The following CSTF2 variants were observed in gnomAD, a reference collection of about 807,000 sequenced individuals.
The protein encoded by CSTF2 is cleavage stimulation factor subunit 2, also known as CF-1 64 kDa subunit.
Under a neutral mutation model 45.4 loss-of-function variants are expected in CSTF2, and 8 were observed. The observed-to-expected ratio is 0.18, with a 90% CI of 0.10 to 0.32. The LOEUF (loss-of-function observed/expected upper bound fraction) is 0.32, where lower values mean the gene tolerates loss of function less well. Among genes scored for constraint, CSTF2 ranks in the 10% least tolerant of loss-of-function variants. CSTF2 has a pLI of 1.00. For missense variants in CSTF2, 253 were observed against 477.1 expected (o/e 0.53, Z 4.38); for synonymous variants, 155 against 158.9 (o/e 0.98, Z 0.18).
At chrX:100,824,393 G>T in intron 6 of CSTF2, 136 bp downstream of exon 6, 1 of 684,937 alleles carries the variant, frequency 1.5e-6, no homozygotes. Context: ...GCAATTTCCA[G>T]GTTGCAGAGC....
At chrX:100,839,121 C>T (rs923232865) in intron 13 of CSTF2, among the ~76,000 whole-genome samples, 4 of 109,023 alleles carry the variant, frequency 3.7e-5, no homozygotes, top group South Asian at 8.1e-4. Context: ...TGGTGAGATG[C>T]GCCTATAGTT....
intron 11 of CSTF2, among the ~76,000 whole-genome samples, chrX:100,834,051 A>G (rs2084992797): frequency 8.9e-6 from 1 of 111,925 alleles, no homozygotes; most frequent in African/African-American, 3.3e-5. Flanking sequence ...TCACCTTAAA[A>G]GGTGTGGAAC....
intron 8 of CSTF2, among the ~76,000 whole-genome samples, chrX:100,828,386 G>C (rs150355616): frequency 9.0e-6 from 1 of 111,681 alleles, no homozygotes; most frequent in Non-Finnish European, 1.9e-5. Context: ...TTTCCACCTG[G>C]TGATTCAGAG....
Position 100,840,104 on chromosome X carries a change from T to G in CSTF2, c.*4-610T>G, listed in dbSNP as rs977381758. ...GACTGCAAACTCAGTTTTCACCATT[T>G]TAAAAAAACTATCATGATTTGTGTA... is the stretch of plus-strand genomic sequence containing the variant. On this transcript the variant is annotated intron_variant, in intron 13 of 13. Transcript: ENST00000372972. Among the ~76,000 whole-genome samples, 6 of 111,956 alleles carry G rather than the reference T, an allele frequency of 5.4e-5. No individual in the cohort carries two copies. The East Asian group carries it at 1.7e-3, about 31-fold the overall frequency.
chrX:100,839,945 A>G (rs73250631), intron 13 of CSTF2, among the ~76,000 whole-genome samples: 33 of 111,369 alleles, frequency 3.0e-4, no homozygotes, highest in African/African-American at 6.5e-4. Context: ...GTTTTTGTCT[A>G]TTTTTTTACC....
intron 8 of CSTF2, 22 bp downstream of exon 8, chrX:100,828,124 A>C: frequency 3.5e-6 from 4 of 1,155,551 alleles, no homozygotes; most frequent in Non-Finnish European, 4.7e-6. Flanking sequence ...TTAATGTCTG[A>C]CTAATGTTAA....
intron 3 of CSTF2, 110 bp downstream of exon 3, chrX:100,822,530 T>C: frequency 1.3e-6 from 1 of 793,233 alleles, no homozygotes; most frequent in East Asian, 3.3e-5. Context: ...GCCACGCAGC[T>C]TGTTTATTAC....
At chrX:100,830,912 G>C (rs2084971746) in intron 8 of CSTF2, 1 of 1,038,783 alleles carries the variant, frequency 9.6e-7, no homozygotes. Context: ...TGGTGTTCAG[G>C]GTGGGACGTT....
Position 100,822,311 on chromosome X carries a change from C to T in CSTF2, c.198C>T (p.Asp66=). The T allele has an allele frequency of 8.3e-7, 1 of 1,210,180 alleles. No homozygotes were observed. The highest frequency in any genetic ancestry group is 1.1e-6 in the Non-Finnish European group (1 of 894,453). Residue 66 remains aspartate, a synonymous_variant, in exon 3 of 14, where the codon GAC becomes GAT. Coordinates refer to ENST00000372972, the MANE Select transcript of CSTF2 (RefSeq NM_001325.3). ...GTTATGGCTTCTGTGAATACCAAGA[C>T]CAAGAGACAGCACTTAGTGCCATGC... is the stretch of plus-strand genomic sequence containing the variant. The part of the protein sequence containing the change: ...PKGYGFCEYQ[D]QETALSAMRN...
At chrX:100,839,150 G>A (rs186557162) in intron 13 of CSTF2, among the ~76,000 whole-genome samples, 1 of 108,204 alleles carries the variant, frequency 9.2e-6, no homozygotes, top group African/African-American at 3.4e-5. Context: ...TTGTGAGGCC[G>A]AGGTGGGAGG....
chrX:100,826,733 G>A lies in CSTF2; in HGVS notation c.802G>A (p.Gly268Ser). 1 of 1,210,292 alleles carries A rather than the reference G, an allele frequency of 8.3e-7. No homozygotes were observed. Among genetic ancestry groups the A allele is most frequent in the Non-Finnish European group, 1.1e-6 (1 of 894,740 alleles). ...GQMPAAVTGP[G>S]PGSLAPGGGM... ...AATGCCAGCTGCTGTCACAGGACCT[G>A]GCCCTGGTTCCTTAGCTCCTGGAGG... Residue 268 changes from glycine to serine, a missense_variant, in exon 7 of 14, where the codon GGC (glycine) becomes AGC (serine). This residue lies in a region of CSTF2 where 200 missense variants were observed against 294.0 expected (regional missense o/e 0.68). Coordinates refer to ENST00000372972, the MANE Select transcript of CSTF2 (RefSeq NM_001325.3).
Position 100,829,243 on chromosome X carries a change from A to G in CSTF2, c.889+1141A>G, listed in dbSNP as rs1041794592. Reference sequence around the variant, plus strand: ...AGTGGCTCATGCCTGTAATCCCAGCACTTTGGGAGGCTGAGGTGGGTGGAT... The same window carrying G: ...AGTGGCTCATGCCTGTAATCCCAGCGCTTTGGGAGGCTGAGGTGGGTGGAT... On this transcript the variant is annotated intron_variant, in intron 8 of 13. Coordinates refer to ENST00000372972, the MANE Select transcript of CSTF2 (RefSeq NM_001325.3). Among the ~76,000 whole-genome samples the G allele has an allele frequency of 2.7e-5, 3 of 111,945 alleles. No individual in the cohort carries two copies. The South Asian group carries it at 1.1e-3, about 42-fold the overall frequency.
At chrX:100,820,730 A>G (rs780355261) in intron 1 of CSTF2, 217 of 482,526 alleles carry the variant, frequency 4.5e-4, no homozygotes, top group Non-Finnish European at 6.6e-4. Flanking sequence ...ATGAGCTTCA[A>G]TTATTCTCTA....
At chrX:100,836,055 G>A (rs886249500) in intron 11 of CSTF2, among the ~76,000 whole-genome samples, 3 of 111,518 alleles carry the variant, frequency 2.7e-5, no homozygotes, top group Non-Finnish European at 3.8e-5. Context: ...ACTTGTCTCT[G>A]GTTTCAGTAT....
chrX:100,833,253 C>T lies in CSTF2; in HGVS notation c.1281C>T (p.Ala427=). 8.3e-7 allele frequency: 1 copy of T among 1,209,808 alleles called. No individual in the cohort carries two copies. Among genetic ancestry groups the T allele is most frequent in the Non-Finnish European group, 1.1e-6 (1 of 894,673 alleles). ...CCATGGAGGCAAGAGGGTTAGATGC[C>T]AGAGGATTAGAGGCCCGTGCAATGG... is the stretch of plus-strand genomic sequence containing the variant. The part of the protein sequence containing the change: ...ARAMEARGLD[A]RGLEARAMEA... The change falls in exon 11 of 14, where the codon GCC becomes GCT. Residue 427 remains alanine (A), a synonymous_variant. Coordinates refer to ENST00000372972, the MANE Select transcript of CSTF2 (RefSeq NM_001325.3).
chrX:100,820,553 C>A, intron 1 of CSTF2, 79 bp downstream of exon 1: 1 of 1,041,927 alleles, frequency 9.6e-7, no homozygotes, highest in Non-Finnish European at 1.3e-6. Flanking sequence ...GCTACCGGAG[C>A]CGCTGACGGT....
Position 100,840,740 on chromosome X carries a change from C to G in CSTF2, c.*30C>G, listed in dbSNP as rs779818627. 1 of 111,843 alleles carries G rather than the reference C, an allele frequency of 8.9e-6. No homozygotes were observed. Among genetic ancestry groups the G allele is most frequent in the South Asian group, 3.7e-4 (1 of 2,674 alleles). 9.2% of individuals were successfully genotyped at this position (111,843 alleles called of 1,213,427 possible). A position where few individuals can be genotyped will look rare whatever the true frequency, so the allele number is the denominator to read the frequency against. The stretch of plus-strand genomic sequence containing the variant: ...TTTTCAAAAATACCTGGCAAGAAAT[C>G]TGGAAATTCTATAATTTTGTTGAAA... On this transcript the variant is annotated 3_prime_UTR_variant, in exon 14 of 14. Coordinates refer to ENST00000372972, the MANE Select transcript of CSTF2 (RefSeq NM_001325.3).
In CSTF2 at chrX:100,823,849, T is replaced by A. The variant is rs191293407; in HGVS notation, c.445-37T>A. Reference sequence around the variant, plus strand: ...CTCTAAATCACTATCAGTTTCTAAGTCATAAGTATTAAACCTGAATCTGCT... The same window carrying A: ...CTCTAAATCACTATCAGTTTCTAAGACATAAGTATTAAACCTGAATCTGCT... On this transcript the variant is annotated intron_variant, in intron 4 of 13. Coordinates refer to ENST00000372972, the MANE Select transcript of CSTF2 (RefSeq NM_001325.3). 281 of 1,191,428 alleles carry A rather than the reference T, an allele frequency of 2.4e-4. No homozygotes were observed. In the African/African-American group the frequency reaches 4.4e-3, roughly 18 times the overall value.
At chrX:100,831,173 T>C (rs936308866) in intron 8 of CSTF2, among the ~76,000 whole-genome samples, 9 of 111,086 alleles carry the variant, frequency 8.1e-5, no homozygotes, top group Non-Finnish European at 1.7e-4. Flanking sequence ...GCCATGGCAG[T>C]GTTCACATAT....
Sources: gnomAD v4.1 joint callset for allele counts (sites outside exome capture counted in the v4.1 genomes callset) on GRCh38, gnomAD v4.1.1 for gene constraint, gnomAD v4.1.1 regional missense constraint, MANE v1.5 for transcripts, NCBI Gene and HGNC (gene_info 2026-07-23, HGNC 2026-07-21) for gene names.